PUM2: variants seen among roughly 807,000 people sequenced by gnomAD.
The protein encoded by PUM2 is pumilio RNA binding family member 2.
PUM2 carries 57 observed loss-of-function variants against 124.5 expected under a neutral mutation model. That is an observed-to-expected ratio of 0.46 (90% CI 0.37 to 0.57). The LOEUF (loss-of-function observed/expected upper bound fraction) is 0.57. Among genes scored for constraint, PUM2 ranks in the 20% least tolerant of loss-of-function variants. The pLI is 0.00. For synonymous variants in PUM2, 460 were observed against 446.1 expected, an observed-to-expected ratio of 1.03 and a Z score of -0.39; for missense variants, 1,065 against 1,290.6, an observed-to-expected ratio of 0.83 and a Z score of 2.68.
At chr2:20,338,794 T>C (rs1686640956) in intron 1 of PUM2, among the ~76,000 whole-genome samples, 1 of 152,224 alleles carries the variant, frequency 6.6e-6, no homozygotes, top group Non-Finnish European at 1.5e-5. Context: ...AAAACCAATC[T>C]ATGCTCCTAT....
At chr2:20,298,515 G>A (rs187714031) in intron 7 of PUM2, among the ~76,000 whole-genome samples, 44 of 152,260 alleles carry the variant, frequency 2.9e-4, no homozygotes, top group African/African-American at 1.0e-3. Context: ...TCACTGTACA[G>A]GTCTTTCAAC....
chr2:20,259,019 A>T (rs534511356), intron 15 of PUM2, among the ~76,000 whole-genome samples: 23 of 152,250 alleles, frequency 1.5e-4, no homozygotes, highest in African/African-American at 5.5e-4. Flanking sequence ...TGACCACCAA[A>T]ACTCTTCACC....
chr2:20,317,072 C>CT (rs1172443496), intron 3 of PUM2, among the ~76,000 whole-genome samples: 2 of 151,982 alleles, frequency 1.3e-5, no homozygotes, highest in Non-Finnish European at 2.9e-5. Flanking sequence ...TGGTGTGAGC[C>CT]TGTAGTCCTA....
chr2:20,264,939 T>G (rs539009570), intron 13 of PUM2, among the ~76,000 whole-genome samples: 1 of 152,258 alleles, frequency 6.6e-6, no homozygotes, highest in East Asian at 1.9e-4. Flanking sequence ...GAACTTCCTA[T>G]TACATAGCAT....
chr2:20,291,803 C>T (rs193007278), intron 9 of PUM2, among the ~76,000 whole-genome samples: 2 of 152,052 alleles, frequency 1.3e-5, no homozygotes, highest in Non-Finnish European at 2.9e-5. Context: ...CTTTCAGTTA[C>T]CTTTGATAAA....
chr2:20,290,550 C>T, intron 10 of PUM2, 102 bp downstream of exon 10: 2 of 1,263,188 alleles, frequency 1.6e-6, no homozygotes, highest in Non-Finnish European at 2.1e-6. Flanking sequence ...ACAAGGTAGG[C>T]AAGATTTTAA....
At chr2:20,282,763 G>A (rs1671827368) in intron 12 of PUM2, among the ~76,000 whole-genome samples, 184 bp downstream of exon 12, 1 of 152,174 alleles carries the variant, frequency 6.6e-6, no homozygotes, top group South Asian at 2.1e-4. Flanking sequence ...CCTATAGTGA[G>A]TTAAACATTG....
At chr2:20,293,514 G>C (rs1674739884) in intron 9 of PUM2, among the ~76,000 whole-genome samples, 1 of 152,092 alleles carries the variant, frequency 6.6e-6, no homozygotes, top group South Asian at 2.1e-4. Flanking sequence ...TTCAAGACCA[G>C]CCTGGCCAAC....
intron 13 of PUM2, among the ~76,000 whole-genome samples, chr2:20,271,285 A>G (rs956062551): frequency 6.6e-6 from 1 of 152,204 alleles, no homozygotes; most frequent in Non-Finnish European, 1.5e-5. Flanking sequence ...TATACTATTT[A>G]CAGTATTTTA....
intron 7 of PUM2, among the ~76,000 whole-genome samples, chr2:20,299,984 C>T (rs189456580): frequency 1.6e-4 from 25 of 152,180 alleles, no homozygotes; most frequent in Non-Finnish European, 3.4e-4. Flanking sequence ...GTTGTGGAAA[C>T]AACAGTTTTA....
chr2:20,261,530 T>TA (rs199675974), intron 14 of PUM2, among the ~76,000 whole-genome samples: 32,478 of 138,932 alleles, frequency 0.23, 4,072 homozygotes, highest in Middle Eastern at 0.32. Flanking sequence ...TCCACTTGTT[T>TA]AAAAAAAAAA....
intron 13 of PUM2, among the ~76,000 whole-genome samples, chr2:20,275,570 G>A (rs1407825421): frequency 6.6e-6 from 1 of 152,046 alleles, no homozygotes; most frequent in African/African-American, 2.4e-5. Context: ...AAAACCATTA[G>A]GTGGATCAGG....
intron 3 of PUM2, among the ~76,000 whole-genome samples, chr2:20,315,537 TGA>T (rs1209181343): frequency 1.3e-5 from 2 of 152,228 alleles, no homozygotes; most frequent in African/African-American, 2.4e-5. Context: ...CAAAATGTTA[TGA>T]GAGTTGGGAG....
intron 1 of PUM2, among the ~76,000 whole-genome samples, chr2:20,349,572 C>T (rs761255101): frequency 6.6e-6 from 1 of 151,412 alleles, no homozygotes; most frequent in Non-Finnish European, 1.5e-5. Flanking sequence ...TACTCCAGGT[C>T]ACATGGTGAA....
At chr2:20,350,380 G>C (rs1305377443) in intron 1 of PUM2, 2 of 773,230 alleles carry the variant, frequency 2.6e-6, no homozygotes, top group Admixed American at 6.3e-5. Context: ...AGCGGCCGGC[G>C]CGGCGCCCCC....
At position 20,297,692 on chromosome 2, in the gene PUM2, G is replaced by C; in HGVS notation, c.884-14C>G. 2 of 1,603,116 alleles carry C rather than the reference G, an allele frequency of 1.2e-6. No homozygotes were observed. The highest frequency in any genetic ancestry group is 8.5e-7 in the Non-Finnish European group (1 of 1,174,818). Reference sequence around the variant, plus strand: ...AGAATACACCAGCTATATTTTAAAAGGGGAGAAATAATAAACAACAATGTA... The same window carrying C: ...AGAATACACCAGCTATATTTTAAAACGGGAGAAATAATAAACAACAATGTA... On this transcript the variant is annotated splice_polypyrimidine_tract_variant and intron_variant, in intron 7 of 20. Transcript: ENST00000361078.
At chr2:20,302,953 G>A (rs966401039) in intron 7 of PUM2, among the ~76,000 whole-genome samples, 7 of 152,090 alleles carry the variant, frequency 4.6e-5, no homozygotes, top group African/African-American at 7.2e-5. Flanking sequence ...TAACTCTCCC[G>A]CAATTTGCAC....
intron 20 of PUM2, among the ~76,000 whole-genome samples, chr2:20,252,842 T>C (rs888547496): frequency 6.6e-6 from 1 of 152,246 alleles, no homozygotes; most frequent in African/African-American, 2.4e-5. Flanking sequence ...CATCTGCATA[T>C]GTGGATTCAA....
chr2:20,264,592 A>G (rs1558499318), intron 13 of PUM2, among the ~76,000 whole-genome samples: 2 of 151,930 alleles, frequency 1.3e-5, no homozygotes, highest in Non-Finnish European at 2.9e-5. Context: ...TAACAGTTTA[A>G]AAGTACTTGA....
Sources: gnomAD v4.1 joint callset for allele counts (sites outside exome capture counted in the v4.1 genomes callset) on GRCh38, gnomAD v4.1.1 for gene constraint, MANE v1.5 for transcripts, NCBI Gene and HGNC (gene_info 2026-07-23, HGNC 2026-07-21) for gene names.